Variants in EPCAM observed in about 807,000 individuals in gnomAD.
EPCAM encodes adenocarcinoma-associated antigen.
Under a neutral mutation model 40.0 loss-of-function variants are expected in EPCAM, and 39 were observed. That is an observed-to-expected ratio of 0.98 (90% CI 0.76 to 1.27). The LOEUF is 1.27. EPCAM is among the 50% of genes most tolerant of loss of function. The pLI, the probability that EPCAM is intolerant of heterozygous loss-of-function variation, is 0.00. For missense variants in EPCAM, 503 were observed against 381.2 expected (o/e 1.32, Z -2.66); for synonymous variants, 168 against 132.3 (o/e 1.27, Z -1.85).
intron 7 of EPCAM, among the ~76,000 whole-genome samples, chr2:47,381,889 C>G (rs1027847619): frequency 1.3e-5 from 2 of 152,140 alleles, no homozygotes; most frequent in African/African-American, 4.8e-5. Flanking sequence ...GACCTATCCT[C>G]CCAAGTAGCA....
intron 5 of EPCAM, among the ~76,000 whole-genome samples, chr2:47,377,922 C>CT (rs1237129216): frequency 1.3e-5 from 2 of 151,852 alleles, no homozygotes; most frequent in Non-Finnish European, 2.9e-5. Context: ...AAAGAATGTA[C>CT]TTTTTTTACT....
chr2:47,379,856 A>T lies in EPCAM; in HGVS notation c.745A>T (p.Ile249Phe). 6.2e-7 allele frequency: 1 copy of T among 1,614,114 alleles called. No homozygotes were observed. Among genetic ancestry groups the T allele is most frequent in the Non-Finnish European group, 8.5e-7 (1 of 1,180,030 alleles). The change falls in exon 7 of 9, where the codon ATT (isoleucine) becomes TTT (phenylalanine). Residue 249 changes from isoleucine (I) to phenylalanine (F), a missense_variant. Coordinates refer to ENST00000263735, the MANE Select transcript of EPCAM (RefSeq NM_002354.3). ...QLDLDPGQTL[I>F]YYVDEKAPEF... ...GGATCTGGATCCTGGTCAAACTTTA[A>T]TTTATTATGTTGATGAAAAAGCACC...
At chr2:47,375,437 T>C (rs1022069185) in intron 4 of EPCAM, 138 bp downstream of exon 4, 5 of 679,202 alleles carry the variant, frequency 7.4e-6, no homozygotes, top group Admixed American at 2.3e-5. Context: ...GTTGCAAGAA[T>C]AGCACAGAGA....
intron 1 of EPCAM, among the ~76,000 whole-genome samples, chr2:47,372,697 G>C (rs928084792): frequency 6.7e-6 from 1 of 149,578 alleles, no homozygotes; most frequent in African/African-American, 2.5e-5. Context: ...GCTTGATCCT[G>C]GGAGATGGAT....
chr2:47,372,066 C>T (rs1026017451), intron 1 of EPCAM, among the ~76,000 whole-genome samples: 1 of 152,164 alleles, frequency 6.6e-6, no homozygotes, highest in South Asian at 2.1e-4. Context: ...AAGGACAAAA[C>T]TATTAAACTG....
intron 6 of EPCAM, 151 bp downstream of exon 6, chr2:47,379,205 C>T: frequency 1.5e-6 from 1 of 646,250 alleles, no homozygotes; most frequent in Non-Finnish European, 2.8e-6. Flanking sequence ...CACTCACATG[C>T]ATCTTGCTTG....
At chr2:47,381,774 A>G (rs974231823) in intron 7 of EPCAM, among the ~76,000 whole-genome samples, 1 of 152,184 alleles carries the variant, frequency 6.6e-6, no homozygotes, top group African/African-American at 2.4e-5. Flanking sequence ...ATATATGTGT[A>G]TGTATATTTT....
chr2:47,371,978 T>C (rs1382969035), intron 1 of EPCAM, among the ~76,000 whole-genome samples: 1 of 152,248 alleles, frequency 6.6e-6, no homozygotes, highest in African/African-American at 2.4e-5. Flanking sequence ...TTGTTTTTAA[T>C]GATTGTGCTC....
At chr2:47,385,304 C>A in intron 8 of EPCAM, 94 bp downstream of exon 8, 3 of 1,003,970 alleles carry the variant, frequency 3.0e-6, no homozygotes, top group Non-Finnish European at 4.8e-6. Flanking sequence ...TTCAGTTATA[C>A]TGGAGTCCCT....
At chr2:47,379,096 C>G (rs367741596) in intron 6 of EPCAM, 42 bp downstream of exon 6, 4 of 1,002,608 alleles carry the variant, frequency 4.0e-6, no homozygotes, top group Non-Finnish European at 4.8e-6. Flanking sequence ...GGAATGTAGT[C>G]TATCATGCCT....
intron 7 of EPCAM, among the ~76,000 whole-genome samples, chr2:47,384,082 T>C (rs994339402): frequency 6.6e-6 from 1 of 151,986 alleles, no homozygotes; most frequent in Non-Finnish European, 1.5e-5. Context: ...TTTTTTTGTT[T>C]AGTAGTGAAA....
rs1211062484 is a variant in EPCAM at position 47,373,999 on chromosome 2, A to C, written c.376A>C (p.Arg126=). The change falls in exon 3 of 9, where the codon AGA becomes CGA. Residue 126 remains arginine (R), a synonymous_variant. Coordinates refer to ENST00000263735, the MANE Select transcript of EPCAM (RefSeq NM_002354.3). ...GTGTGTGAACACTGCTGGGGTCAGA[A>C]GAACAGACAAGGACACTGAAATAAC... ...CWCVNTAGVR[R]TDKDTEITCS... 2 of 1,614,066 alleles carry C rather than the reference A, an allele frequency of 1.2e-6. No individual in the cohort carries two copies. Among genetic ancestry groups the C allele is most frequent in the Non-Finnish European group, 1.7e-6 (2 of 1,180,034 alleles).
chr2:47,381,763 CAT>C (rs1320910543), intron 7 of EPCAM, among the ~76,000 whole-genome samples: 2 of 152,120 alleles, frequency 1.3e-5, no homozygotes, highest in Non-Finnish European at 2.9e-5. Flanking sequence ...AGAAAAGATA[CAT>C]ATATGTGTAT....
rs1322110540 is a variant in EPCAM, at chr2:47,373,682, AAAGT to A, written c.184+117_185-118del. On this transcript the variant is annotated intron_variant, in intron 2 of 8. Transcript: ENST00000263735. The stretch of plus-strand genomic sequence containing the variant: ...TTGGCTTAAATCTGAATCATGTTAC[AAAGT>A]AAGTGTGGGAACACATAAATTTCAA... 4.8e-6 allele frequency: 7 copies of A among 1,466,546 alleles called. No homozygotes were observed. In the East Asian group the frequency reaches 1.6e-4, roughly 34 times the overall value. 90.8% of individuals were successfully genotyped at this position (1,466,546 alleles called of 1,614,324 possible).
Position 47,369,400 on chromosome 2 carries a change from C to A in EPCAM, c.-106C>A. The A allele has an allele frequency of 4.9e-6, 6 of 1,229,054 alleles. No individual in the cohort carries two copies. The highest frequency in any genetic ancestry group is 6.3e-6 in the Non-Finnish European group (6 of 945,250). The allele number at this position is 1,229,054 out of a possible 1,614,324, so 76.1% of individuals were successfully genotyped here. A position where few individuals can be genotyped will look rare whatever the true frequency, so the allele number is the denominator to read the frequency against. ...TCCTCCCGACGCGGACCCGCGTGCC[C>A]CAGGCCTCGCGCTGCCCGGCCGGCT... On this transcript the variant is annotated 5_prime_UTR_variant, in exon 1 of 9. Transcript: ENST00000263735.
rs749341277 is a variant in EPCAM at position 47,369,661 on chromosome 2, G to A, written c.76+80G>A. The A allele has an allele frequency of 5.9e-6, 8 of 1,353,504 alleles. No homozygotes were observed. In the African/African-American group the frequency reaches 1.2e-4, roughly 20 times the overall value. The allele number at this position is 1,353,504 out of a possible 1,614,324, so 83.8% of individuals were successfully genotyped here. A position where few individuals can be genotyped will look rare whatever the true frequency, so the allele number is the denominator to read the frequency against. ...GCCCCCGGCCCTCGGCCCCCGAAAC[G>A]GGCATAATAGGGAGGGGACCAAGAG... is the stretch of plus-strand genomic sequence containing the variant. On this transcript the variant is annotated intron_variant, in intron 1 of 8. Transcript: ENST00000263735.
intron 8 of EPCAM, 131 bp from the exon 9 acceptor site, chr2:47,386,441 T>G: frequency 1.5e-6 from 1 of 655,902 alleles, no homozygotes; most frequent in Non-Finnish European, 2.6e-6. Context: ...TTTATTTAAA[T>G]AAGTCTTATA....
chr2:47,371,440 G>A (rs1671263865), intron 1 of EPCAM, among the ~76,000 whole-genome samples: 1 of 152,200 alleles, frequency 6.6e-6, no homozygotes, highest in Non-Finnish European at 1.5e-5. Context: ...TGGTTTATTT[G>A]TAAGATGGTG....
At chr2:47,382,145 G>A (rs781290180) in intron 7 of EPCAM, among the ~76,000 whole-genome samples, 1 of 151,694 alleles carries the variant, frequency 6.6e-6, no homozygotes, top group Non-Finnish European at 1.5e-5. Flanking sequence ...AAATAACGAT[G>A]GGCATGAAAA....
Sources: gnomAD v4.1 joint callset for allele counts (sites outside exome capture counted in the v4.1 genomes callset) on GRCh38, gnomAD v4.1.1 for gene constraint, MANE v1.5 for transcripts, NCBI Gene and HGNC (gene_info 2026-07-23, HGNC 2026-07-21) for gene names.